Variants in NUF2 observed in about 807,000 individuals in gnomAD.
NUF2 encodes the protein NUF2 component of NDC80 kinetochore complex.
Under a neutral mutation model 61.8 loss-of-function variants are expected in NUF2, and 34 were observed. The observed-to-expected ratio is 0.55, with a 90% confidence interval of 0.42 to 0.73. NUF2 has a LOEUF of 0.73. Among genes scored for constraint, NUF2 ranks in the 30% least tolerant of loss-of-function variants. The pLI, the probability that NUF2 is intolerant of heterozygous loss-of-function variation, is 0.00. For synonymous variants in NUF2, 172 were observed against 181.6 expected (o/e 0.95, Z 0.42); for missense variants, 445 against 539.1 (o/e 0.83, Z 1.73).
At chr1:163,324,892 TTTTC>T (rs1462023298) in intron 1 of NUF2, among the ~76,000 whole-genome samples, 1 of 126,232 alleles carries the variant, frequency 7.9e-6, no homozygotes, top group African/African-American at 2.8e-5. Flanking sequence ...GTTTCTTTTC[TTTTC>T]TTTCTTTTTT....
intron 5 of NUF2, among the ~76,000 whole-genome samples, chr1:163,332,882 T>C (rs1427772295): frequency 6.6e-6 from 1 of 152,188 alleles, no homozygotes; most frequent in Non-Finnish European, 1.5e-5. Context: ...CTGAACATCT[T>C]TGGGTGCTAT....
At chr1:163,331,458 T>A (rs1650597244) in intron 5 of NUF2, among the ~76,000 whole-genome samples, 1 of 152,016 alleles carries the variant, frequency 6.6e-6, no homozygotes, top group Non-Finnish European at 1.5e-5. Context: ...TGTTCTGTAG[T>A]TTTTTTGCAA....
chr1:163,327,711 G>T, intron 3 of NUF2, 149 bp downstream of exon 3: 1 of 600,810 alleles, frequency 1.7e-6, no homozygotes. Flanking sequence ...TATAAAATTA[G>T]TGTCACTTAC....
chr1:163,337,921 T>C, intron 6 of NUF2, 99 bp from the exon 7 acceptor site: 1 of 886,698 alleles, frequency 1.1e-6, no homozygotes, highest in Non-Finnish European at 1.8e-6. Context: ...CTTAAATTTT[T>C]TATTTCTGAT....
At chr1:163,332,789 T>C (rs1006774672) in intron 5 of NUF2, among the ~76,000 whole-genome samples, 2 of 152,174 alleles carry the variant, frequency 1.3e-5, no homozygotes, top group Non-Finnish European at 2.9e-5. Flanking sequence ...TCTAGAATAA[T>C]TTTCTCATTT....
chr1:163,334,346 C>T (rs969097665), intron 5 of NUF2, among the ~76,000 whole-genome samples: 3 of 152,112 alleles, frequency 2.0e-5, no homozygotes, highest in African/African-American at 7.2e-5. Flanking sequence ...GGAAAAATGT[C>T]TTCTATATTA....
At chr1:163,322,370 T>A (rs1650256360) in intron 1 of NUF2, among the ~76,000 whole-genome samples, 158 bp downstream of exon 1, 1 of 152,268 alleles carries the variant, frequency 6.6e-6, no homozygotes, top group Non-Finnish European at 1.5e-5. Flanking sequence ...CATTTATGTG[T>A]GATTTTTGGA....
intron 7 of NUF2, among the ~76,000 whole-genome samples, chr1:163,338,415 A>G (rs1205014222): frequency 6.6e-6 from 1 of 151,964 alleles, no homozygotes; most frequent in East Asian, 1.9e-4. Context: ...AACTGCCTGG[A>G]CTATCTTCCT....
chr1:163,339,366 T>C lies in NUF2; in HGVS notation c.510-15T>C. ...AAGTGAAGAGCAGTATTTTAATCTA[T>C]TTTGCTGTGTTAAGTTCTGTTCCAG... On this transcript the variant is annotated splice_polypyrimidine_tract_variant and intron_variant, in intron 7 of 13. Coordinates refer to ENST00000271452, the MANE Select transcript of NUF2 (RefSeq NM_145697.3). The C allele has an allele frequency of 6.5e-7, 1 of 1,545,872 alleles. No individual in the cohort carries two copies. Among genetic ancestry groups the C allele is most frequent in the Non-Finnish European group, 8.9e-7 (1 of 1,120,940 alleles).
At chr1:163,338,260 T>C (rs1650829407) in intron 7 of NUF2, among the ~76,000 whole-genome samples, 167 bp downstream of exon 7, 1 of 148,930 alleles carries the variant, frequency 6.7e-6, no homozygotes, top group Admixed American at 6.7e-5. Flanking sequence ...AAGAAAAAAC[T>C]AGTTTTTCTT....
chr1:163,350,135 A>T (rs945346424), intron 13 of NUF2, among the ~76,000 whole-genome samples: 1 of 151,902 alleles, frequency 6.6e-6, no homozygotes, highest in African/African-American at 2.4e-5. Context: ...CCCCGTCTCT[A>T]CTAAAAATAC....
chr1:163,327,218 TA>T (rs146429597), intron 2 of NUF2, among the ~76,000 whole-genome samples: 2,406 of 152,160 alleles, frequency 0.016, 62 homozygotes, highest in African/African-American at 0.055. Flanking sequence ...TTCTATTTCC[TA>T]AGGTGGATGG....
At chr1:163,326,734 A>G (rs1236898184) in intron 2 of NUF2, among the ~76,000 whole-genome samples, 1 of 152,178 alleles carries the variant, frequency 6.6e-6, no homozygotes, top group Non-Finnish European at 1.5e-5. Flanking sequence ...GTGATAACGT[A>G]GTAAAACCTG....
chr1:163,325,140 A>C (rs1046164576), intron 1 of NUF2, among the ~76,000 whole-genome samples: 1 of 152,086 alleles, frequency 6.6e-6, no homozygotes, highest in Non-Finnish European at 1.5e-5. Context: ...CAAGCGATCC[A>C]CATGCTTTGG....
In NUF2 at chr1:163,339,412, A is replaced by G; in HGVS notation, c.541A>G (p.Lys181Glu). The G allele has an allele frequency of 6.2e-7, 1 of 1,612,578 alleles. No homozygotes were observed. The highest frequency in any genetic ancestry group is 8.5e-7 in the Non-Finnish European group (1 of 1,178,736). The change falls in exon 8 of 14, where the codon AAG becomes GAG. Residue 181 changes from lysine to glutamate, a missense_variant. By Grantham distance (56) the Lys-to-Glu change is moderately conservative (BLOSUM62 1). Transcript: ENST00000271452. ...TCCAGTTGAAGAGCAAGAAGAGTTC[A>G]AGCAGCTTTCAGATGGAATTCAGGA... ...SVPVEEQEEF[K>E]QLSDGIQELQ...
intron 4 of NUF2, chr1:163,328,551 C>A (rs372764336): frequency 2.0e-6 from 1 of 497,850 alleles, no homozygotes; most frequent in Non-Finnish European, 3.5e-6. Flanking sequence ...AATTGTTTAC[C>A]GTCTTTGTGA....
At chr1:163,349,140 A>G in intron 13 of NUF2, 60 bp downstream of exon 13, 1 of 1,462,624 alleles carries the variant, frequency 6.8e-7, no homozygotes, top group South Asian at 1.3e-5. Context: ...TGAGTTGTTA[A>G]CTGAAACAAA....
intron 2 of NUF2, among the ~76,000 whole-genome samples, chr1:163,327,098 T>TCTTTAAAACACACACA (rs1553230626): frequency 8.1e-4 from 27 of 33,372 alleles, no homozygotes; most frequent in East Asian, 1.6e-3. Context: ...TTTCCTGTGT[T>TCTTTAAAACACACACA]CACACACACA....
At chr1:163,353,666 A>G (rs1254832994) in intron 13 of NUF2, among the ~76,000 whole-genome samples, 1 of 152,220 alleles carries the variant, frequency 6.6e-6, no homozygotes, top group Non-Finnish European at 1.5e-5. Flanking sequence ...GGGTGGATTA[A>G]TATAGTAAAA....
Sources: gnomAD v4.1 joint callset for allele counts (sites outside exome capture counted in the v4.1 genomes callset) on GRCh38, gnomAD v4.1.1 for gene constraint, MANE v1.5 for transcripts, NCBI Gene and HGNC (gene_info 2026-07-23, HGNC 2026-07-21) for gene names.